Variants in CHD1L observed in about 807,000 individuals in gnomAD.
CHD1L encodes chromodomain helicase DNA binding protein 1 like.
CHD1L carries 118 observed loss-of-function variants against 115.9 expected under a neutral mutation model. That is an observed-to-expected ratio of 1.02 (90% CI 0.88 to 1.19). The LOEUF (loss-of-function observed/expected upper bound fraction) is 1.19. CHD1L is among the 50% of genes most tolerant of loss of function. CHD1L has a pLI of 0.00. For synonymous variants in CHD1L, 411 were observed against 387.1 expected, an observed-to-expected ratio of 1.06 and a Z score of -0.72; for missense variants, 1,179 against 1,065.3, an observed-to-expected ratio of 1.11 and a Z score of -1.49.
the CHD1L span, chr1:147,225,648 T>C: frequency 6.5e-6 from 1 of 153,088 alleles, no homozygotes; most frequent in Admixed American, 6.5e-5. Context: ...TGCCTTAAAG[T>C]GACAAACACT....
chr1:147,288,339 A>AGGAAAAAG, intron 19 of CHD1L, among the ~76,000 whole-genome samples: 1 of 26,892 alleles, frequency 3.7e-5, no homozygotes, highest in Non-Finnish European at 9.1e-5. Flanking sequence ...AAAAAAAAAA[A>AGGAAAAAG]AAAAAAAGAA....
intron 16 of CHD1L, 94 bp downstream of exon 16, chr1:147,284,593 G>T: frequency 8.8e-7 from 1 of 1,142,638 alleles, no homozygotes. Flanking sequence ...GTTCTCTTAG[G>T]ATGATTTGTC....
At chr1:147,276,978 GTC>G (rs2102763188) in intron 14 of CHD1L, among the ~76,000 whole-genome samples, 1 of 152,294 alleles carries the variant, frequency 6.6e-6, no homozygotes, top group African/African-American at 2.4e-5. Context: ...CAGTGGGAGA[GTC>G]TGGTGTGAGA....
At chr1:147,201,911 T>G in the CHD1L span, among the ~76,000 whole-genome samples, 9 of 152,344 alleles carry the variant, frequency 5.9e-5, 1 homozygote, top group South Asian at 1.0e-3. Flanking sequence ...GAGCTAAGTT[T>G]AGGCCACTGT....
In CHD1L at chr1:147,255,788, T is replaced by G. The variant is rs587634374; in HGVS notation, c.348-25T>G. On this transcript the variant is annotated intron_variant, in intron 3 of 22. Transcript: ENST00000369258. ...GTCACATGGATCTAGTATTTATGTT[T>G]ATCTACTTCTTTTCTTGGATTCAGA... The G allele has an allele frequency of 3.9e-6, 6 of 1,524,520 alleles. No individual in the cohort carries two copies. In the African/African-American group the frequency reaches 8.3e-5, roughly 21 times the overall value. 94.4% of individuals were successfully genotyped at this position (1,524,520 alleles called of 1,614,324 possible).
chr1:147,274,062 G>A (rs1553955537), intron 12 of CHD1L, among the ~76,000 whole-genome samples: 2 of 152,194 alleles, frequency 1.3e-5, no homozygotes, highest in Admixed American at 6.5e-5. Flanking sequence ...ATAAGCACCT[G>A]AAAAGTATTA....
upstream of CHD1L, among the ~76,000 whole-genome samples, chr1:147,239,944 T>C (rs1664720047): frequency 6.6e-6 from 1 of 152,194 alleles, no homozygotes; most frequent in Non-Finnish European, 1.5e-5. Flanking sequence ...AGCAGCCACA[T>C]AGGACAGAGG....
At chr1:147,236,339 G>A in the CHD1L span, among the ~76,000 whole-genome samples, 1 of 152,184 alleles carries the variant, frequency 6.6e-6, no homozygotes, top group Non-Finnish European at 1.5e-5. Context: ...TGCCCACAAT[G>A]TGGCAAGCAA....
At chr1:147,232,693 G>T in the CHD1L span, among the ~76,000 whole-genome samples, 1 of 152,180 alleles carries the variant, frequency 6.6e-6, no homozygotes, top group African/African-American at 2.4e-5. Context: ...TGGAGATGGG[G>T]TTTCGCTGTG....
At chr1:147,287,148 C>G (rs587717728) in intron 18 of CHD1L, among the ~76,000 whole-genome samples, 3 of 152,274 alleles carry the variant, frequency 2.0e-5, no homozygotes, top group East Asian at 1.9e-4. Flanking sequence ...TAGAACGATG[C>G]CTTACGTGTA....
chr1:147,286,606 T>TC, intron 18 of CHD1L, 106 bp downstream of exon 18: 1 of 959,898 alleles, frequency 1.0e-6, no homozygotes, highest in Non-Finnish European at 1.6e-6. Context: ...AGTGTAGTAT[T>TC]GTACAGTCAA....
chr1:147,225,225 G>T, the CHD1L span: 1 of 1,406,000 alleles, frequency 7.1e-7, no homozygotes, highest in Non-Finnish European at 9.3e-7. Context: ...TGCTGGCATG[G>T]GGGAGCCCTG....
the CHD1L span, among the ~76,000 whole-genome samples, chr1:147,232,574 A>G: frequency 2.0e-5 from 3 of 151,170 alleles, no homozygotes; most frequent in Non-Finnish European, 4.4e-5. Context: ...TACTGCTGCC[A>G]TCTTGGCTCA....
At chr1:147,286,544 A>G in intron 18 of CHD1L, 44 bp downstream of exon 18, 3 of 1,582,890 alleles carry the variant, frequency 1.9e-6, no homozygotes, top group Non-Finnish European at 2.6e-6. Context: ...CTCAGTCCTT[A>G]TGGTGCCAAG....
intron 11 of CHD1L, among the ~76,000 whole-genome samples, chr1:147,271,824 TTC>T (rs1400917949): frequency 7.2e-5 from 11 of 152,218 alleles, no homozygotes; most frequent in Non-Finnish European, 1.3e-4. Flanking sequence ...AGCGCTTGTC[TTC>T]TGTTTACATA....
At chr1:147,272,939 C>G (rs587615165) in intron 12 of CHD1L, among the ~76,000 whole-genome samples, 7 of 148,736 alleles carry the variant, frequency 4.7e-5, no homozygotes, top group Non-Finnish European at 1.0e-4. Flanking sequence ...GTGGCCCATG[C>G]CTGTAATCCC....
intron 13 of CHD1L, among the ~76,000 whole-genome samples, chr1:147,275,852 C>T (rs1553957355): frequency 6.6e-6 from 1 of 151,028 alleles, no homozygotes; most frequent in Non-Finnish European, 1.5e-5. Flanking sequence ...AGATATTTTC[C>T]TTGGCTACAG....
At chr1:147,176,210 A>G in the CHD1L span, 1 of 152,196 alleles carries the variant, frequency 6.6e-6, no homozygotes, top group Non-Finnish European at 1.5e-5. Context: ...AACAAATACC[A>G]TTGATTTTAA....
rs185833647 is a variant in CHD1L, at chr1:147,251,493, A to T, written c.128-1130A>T. On this transcript the variant is annotated intron_variant, in intron 1 of 22. Coordinates refer to ENST00000369258, the MANE Select transcript of CHD1L (RefSeq NM_004284.6). The stretch of plus-strand genomic sequence containing the variant: ...ATAATACCTACTCCATAGAATCATT[A>T]TAAGCATTAAATGAGATACTGTAAT... 9.3e-4 allele frequency among the ~76,000 whole-genome samples: 142 copies of T among 152,352 alleles called. 1 individual carries two copies. In the Middle Eastern group the frequency reaches 0.017, roughly 18 times the overall value.
Sources: allele counts gnomAD v4.1 joint callset (sites outside exome capture counted in the v4.1 genomes callset), GRCh38; gene constraint gnomAD v4.1.1; transcripts MANE v1.5; gene names NCBI Gene and HGNC (gene_info 2026-07-23, HGNC 2026-07-21).